NWD2: variants seen among roughly 807,000 people sequenced by gnomAD.
NWD2 encodes NACHT and WD repeat domain-containing protein 2.
A neutral mutation model predicts 132.7 loss-of-function variants in NWD2; 37 were observed. The observed-to-expected ratio is 0.28, with a 90% CI of 0.21 to 0.37. The LOEUF is 0.37. Among genes scored for constraint, NWD2 ranks in the 10% least tolerant of loss-of-function variants. The pLI is 1.00. For missense variants in NWD2, 1,592 were observed against 2,122.4 expected (o/e 0.75, Z 4.91); for synonymous variants, 705 against 803.0 (o/e 0.88, Z 2.06).
intron 2 of NWD2, among the ~76,000 whole-genome samples, chr4:37,328,085 G>A (rs1237847771): frequency 6.6e-6 from 1 of 151,874 alleles, no homozygotes; most frequent in Non-Finnish European, 1.5e-5. Context: ...AGCCCTGTGG[G>A]CCTCTTTTGG....
chr4:37,391,758 G>A (rs191367874), intron 3 of NWD2, among the ~76,000 whole-genome samples: 17 of 152,290 alleles, frequency 1.1e-4, no homozygotes, highest in African/African-American at 2.9e-4. Flanking sequence ...TGGAGACCTC[G>A]CTGGGTGACC....
chr4:37,431,469 G>A (rs1174597534), intron 4 of NWD2, among the ~76,000 whole-genome samples: 1 of 152,126 alleles, frequency 6.6e-6, no homozygotes, highest in Non-Finnish European at 1.5e-5. Context: ...ATCTAAAAAC[G>A]TTGAGTTCAT....
intron 1 of NWD2, among the ~76,000 whole-genome samples, chr4:37,272,808 G>C (rs1175346181): frequency 6.6e-6 from 1 of 151,146 alleles, no homozygotes; most frequent in Non-Finnish European, 1.5e-5. Flanking sequence ...GGTTTAATTT[G>C]CCCTTTTTCT....
intron 3 of NWD2, among the ~76,000 whole-genome samples, chr4:37,416,308 G>C (rs957575406): frequency 2.6e-5 from 4 of 151,822 alleles, no homozygotes; most frequent in Non-Finnish European, 5.9e-5. Context: ...ACTTATATTT[G>C]TTATATTTTT....
Position 37,432,335 on chromosome 4 carries a change from C to T in NWD2, c.562-1541C>T, listed in dbSNP as rs115849941. On this transcript the variant is annotated intron_variant, in intron 4 of 6. Coordinates refer to ENST00000309447, the MANE Select transcript of NWD2 (RefSeq NM_001144990.2). The stretch of plus-strand genomic sequence containing the variant: ...GAAACAATATTCATACAGATAATTA[C>T]GTTGAATAATACATGTGAGGGTGAA... 2.0e-3 allele frequency among the ~76,000 whole-genome samples: 283 copies of T among 140,362 alleles called. 3 individuals carry two copies. The highest frequency in any genetic ancestry group is 7.1e-3 in the African/African-American group (266 of 37,506). The allele number at this position is 140,362 out of a possible 152,430, so 92.1% of individuals were successfully genotyped here.
intron 2 of NWD2, among the ~76,000 whole-genome samples, chr4:37,339,325 C>T: frequency 6.6e-6 from 1 of 152,226 alleles, no homozygotes; most frequent in East Asian, 1.9e-4. Context: ...TTTCTGCTGC[C>T]TGGAATGGCT....
chr4:37,275,646 T>A (rs530865188), intron 1 of NWD2, among the ~76,000 whole-genome samples: 2 of 152,224 alleles, frequency 1.3e-5, no homozygotes, highest in South Asian at 4.1e-4. Context: ...AGAACAAAGC[T>A]GGAGGCATCA....
rs150219713 is a variant in NWD2, at chr4:37,291,580, A to G, written c.152-34356A>G. Among the ~76,000 whole-genome samples the G allele has an allele frequency of 8.1e-4, 123 of 152,274 alleles. 1 individual carries two copies. Among genetic ancestry groups the G allele is most frequent in the South Asian group, 2.7e-3 (13 of 4,826 alleles). On this transcript the variant is annotated intron_variant, in intron 1 of 6. Transcript: ENST00000309447. ...CAATATTGATACTTTGGGAAAGAGT[A>G]AAGTGAAAATATATTTTAATGGATT... is the stretch of plus-strand genomic sequence containing the variant.
intron 3 of NWD2, among the ~76,000 whole-genome samples, chr4:37,378,004 T>TAATTGTATAC (rs1397139397): frequency 6.6e-6 from 1 of 152,240 alleles, no homozygotes; most frequent in African/African-American, 2.4e-5. Context: ...TTGTACCCTG[T>TAATTGTATAC]AATTGTATAC....
At chr4:37,404,548 G>A (rs1720958056) in intron 3 of NWD2, among the ~76,000 whole-genome samples, 1 of 152,108 alleles carries the variant, frequency 6.6e-6, no homozygotes, top group Admixed American at 6.6e-5. Flanking sequence ...CATGCTTTTT[G>A]TTCTTTCACC....
chr4:37,447,203 G>A lies in NWD2; in HGVS notation c.5215G>A (p.Ala1739Thr). The A allele has an allele frequency of 6.5e-7, 1 of 1,549,590 alleles. No homozygotes were observed. The highest frequency in any genetic ancestry group is 8.7e-7 in the Non-Finnish European group (1 of 1,145,882). ...CCTAGAAGCCAGGGGCCACAGCTATGCCCCTGATAACTGACAAAATGTTTT... is the reference window on the plus strand; with the variant it reads ...CCTAGAAGCCAGGGGCCACAGCTATACCCCTGATAACTGACAAAATGTTTT... ...SALEARGHSY[A>T]PDN The change falls in exon 7 of 7, where the codon GCC becomes ACC. Residue 1739 changes from alanine (A) to threonine (T), a missense_variant. Physicochemically the swap from Ala to Thr is moderately conservative, Grantham distance 58. This residue lies in a region of NWD2 where 257 missense variants were observed against 335.0 expected (regional missense o/e 0.77). Transcript: ENST00000309447.
chr4:37,347,859 G>T lies in NWD2; in HGVS notation c.241-8507G>T, dbSNP rs550308252. 3.3e-5 allele frequency among the ~76,000 whole-genome samples: 5 copies of T among 152,306 alleles called. No homozygotes were observed. The South Asian group carries it at 8.3e-4, about 25-fold the overall frequency. On this transcript the variant is annotated intron_variant, in intron 2 of 6. Coordinates refer to ENST00000309447, the MANE Select transcript of NWD2 (RefSeq NM_001144990.2). ...CACATCCAAATGGTGTCAGCCAAAA[G>T]AATCGAGACGAGATTATGTGTATAG...
intron 1 of NWD2, among the ~76,000 whole-genome samples, chr4:37,312,130 A>G (rs1022750411): frequency 9.3e-5 from 14 of 151,348 alleles, no homozygotes; most frequent in Admixed American, 2.6e-4. Flanking sequence ...TTGGTTCCAT[A>G]TGAACTTTAA....
chr4:37,312,607 T>C (rs1718870216), intron 1 of NWD2, among the ~76,000 whole-genome samples: 1 of 150,916 alleles, frequency 6.6e-6, no homozygotes, highest in Non-Finnish European at 1.5e-5. Context: ...TTTTCCTAAT[T>C]GAATACCCTT....
chr4:37,256,955 C>T (rs1438697550), intron 1 of NWD2, among the ~76,000 whole-genome samples: 1 of 152,148 alleles, frequency 6.6e-6, no homozygotes, highest in Non-Finnish European at 1.5e-5. Flanking sequence ...CCCCTTGAAT[C>T]TGGGCTCTGA....
intron 3 of NWD2, among the ~76,000 whole-genome samples, chr4:37,375,086 C>G (rs1298063042): frequency 6.6e-6 from 1 of 152,192 alleles, no homozygotes; most frequent in African/African-American, 2.4e-5. Flanking sequence ...GTGTAATCTT[C>G]TGTGCTTTCA....
intron 1 of NWD2, among the ~76,000 whole-genome samples, chr4:37,305,192 G>T (rs115406201): frequency 3.9e-5 from 6 of 152,184 alleles, no homozygotes; most frequent in Non-Finnish European, 5.9e-5. Context: ...GACACATGGC[G>T]CCAAGTACCT....
At chr4:37,377,783 A>C (rs1577684085) in intron 3 of NWD2, among the ~76,000 whole-genome samples, 1 of 152,172 alleles carries the variant, frequency 6.6e-6, no homozygotes, top group Admixed American at 6.5e-5. Context: ...AAATAATTTA[A>C]AATAGTTAAT....
chr4:37,411,711 T>G (rs1721159687), intron 3 of NWD2, among the ~76,000 whole-genome samples: 1 of 152,174 alleles, frequency 6.6e-6, no homozygotes, highest in African/African-American at 2.4e-5. Flanking sequence ...GTATCTCTGA[T>G]GAACATCGAT....
Sources: allele counts gnomAD v4.1 joint callset (sites outside exome capture counted in the v4.1 genomes callset), GRCh38; gene constraint gnomAD v4.1.1; regional missense constraint gnomAD v4.1.1; transcripts MANE v1.5; gene names NCBI Gene and HGNC (gene_info 2026-07-23, HGNC 2026-07-21).